The following GDAP2 variants were observed in gnomAD, a reference collection of about 807,000 sequenced individuals.
GDAP2 encodes ganglioside induced differentiation associated protein 2, also known as ganglioside-induced differentiation-associated protein 2.
In GDAP2, 51 loss-of-function variants were observed where a neutral mutation model predicts 67.0. That is an observed-to-expected ratio of 0.76 (90% CI 0.61 to 0.96). The LOEUF is 0.96. GDAP2 is among the 40% of genes least tolerant of loss of function. GDAP2 has a pLI of 0.00. For synonymous variants in GDAP2, 203 were observed against 207.3 expected (o/e 0.98, Z 0.18); for missense variants, 547 against 588.3 (o/e 0.93, Z 0.73).
intron 1 of GDAP2, among the ~76,000 whole-genome samples, chr1:117,924,507 T>C (rs1396049653): frequency 6.6e-6 from 1 of 152,226 alleles, no homozygotes; most frequent in Non-Finnish European, 1.5e-5. Flanking sequence ...TTCACGTTTG[T>C]TGTCAAACAA....
chr1:117,919,622 G>A (rs1457193501), intron 2 of GDAP2, among the ~76,000 whole-genome samples: 1 of 152,062 alleles, frequency 6.6e-6, no homozygotes, highest in Non-Finnish European at 1.5e-5. Context: ...ACTGTGGTGA[G>A]GGTTATGCAA....
At chr1:117,913,115 C>T (rs1649917781) in intron 3 of GDAP2, among the ~76,000 whole-genome samples, 1 of 152,172 alleles carries the variant, frequency 6.6e-6, no homozygotes, top group Non-Finnish European at 1.5e-5. Flanking sequence ...TGGGCAGGGG[C>T]TTAGCCTTGT....
At chr1:117,909,220 C>T (rs777009609) in intron 5 of GDAP2, among the ~76,000 whole-genome samples, 56 of 152,254 alleles carry the variant, frequency 3.7e-4, no homozygotes, top group African/African-American at 1.2e-3. Context: ...GGAAACACCA[C>T]GAGAACAAAC....
At chr1:117,890,348 C>CA (rs1649028801) in intron 8 of GDAP2, among the ~76,000 whole-genome samples, 1 of 152,056 alleles carries the variant, frequency 6.6e-6, no homozygotes, top group African/African-American at 2.4e-5. Flanking sequence ...ACCAGATAGA[C>CA]AATATGTCAT....
At chr1:117,880,331 T>C (rs1181720987) in intron 12 of GDAP2, among the ~76,000 whole-genome samples, 2 of 152,178 alleles carry the variant, frequency 1.3e-5, no homozygotes, top group Admixed American at 6.5e-5. Context: ...TGTTTAAGGC[T>C]GCAGGGAATG....
chr1:117,892,854 T>G (rs571753067), intron 8 of GDAP2, among the ~76,000 whole-genome samples: 2 of 152,232 alleles, frequency 1.3e-5, no homozygotes, highest in South Asian at 2.1e-4. Context: ...CCAGGGAAAA[T>G]TCTGTCTTTG....
intron 6 of GDAP2, among the ~76,000 whole-genome samples, chr1:117,905,985 G>A (rs968113747): frequency 6.6e-6 from 1 of 152,134 alleles, no homozygotes; most frequent in African/African-American, 2.4e-5. Context: ...ATTGGAAGCT[G>A]AATTAGACAA....
At position 117,866,895 on chromosome 1, in the gene GDAP2, A is replaced by G. The variant is rs1648083134; in HGVS notation, c.*3674T>C. 6.6e-6 allele frequency: 1 copy of G among 151,774 alleles called. No individual in the cohort carries two copies. Among genetic ancestry groups the G allele is most frequent in the Non-Finnish European group, 1.5e-5 (1 of 67,932 alleles). 9.4% of individuals were successfully genotyped at this position (151,774 alleles called of 1,614,324 possible). A position where few individuals can be genotyped will look rare whatever the true frequency, so the allele number is the denominator to read the frequency against. On this transcript the variant is annotated 3_prime_UTR_variant, in exon 14 of 14. Coordinates refer to ENST00000369443, the MANE Select transcript of GDAP2 (RefSeq NM_017686.4). ...AAAAAAAAAAAGAAAAAGAAAAAGA[A>G]ACCTAACTAACTCCAGTTTTCAAGG...
Position 117,915,925 on chromosome 1 carries a change from T to C in GDAP2, c.316+2672A>G, listed in dbSNP as rs543636445. ...CTTCAATATGATCCTTTTTCAAGTA[T>C]TTGAAAATAAGTACTGTTTCCCCCA... is the stretch of plus-strand genomic sequence containing the variant. On this transcript the variant is annotated intron_variant, in intron 3 of 13. Transcript: ENST00000369443. Among the ~76,000 whole-genome samples, 342 of 152,340 alleles carry C rather than the reference T, an allele frequency of 2.2e-3. 2 individuals carry two copies. The highest frequency in any genetic ancestry group is 8.0e-3 in the African/African-American group (331 of 41,590).
chr1:117,897,038 T>C (rs777763252), intron 7 of GDAP2, 49 bp from the exon 8 acceptor site: 6 of 1,331,662 alleles, frequency 4.5e-6, no homozygotes, highest in Non-Finnish European at 5.2e-6. Context: ...TAAAACTAGA[T>C]AGTAAACATT....
At position 117,899,207 on chromosome 1, in the gene GDAP2, G is replaced by C; in HGVS notation, c.646C>G (p.Gln216Glu). Residue 216 changes from glutamine to glutamate, a missense_variant, in exon 7 of 14, where the codon CAA becomes GAA. Physicochemically the swap from Gln to Glu is conservative, Grantham distance 29 (BLOSUM62 2). Coordinates refer to ENST00000369443, the MANE Select transcript of GDAP2 (RefSeq NM_017686.4). ...AVSDLEEGTYQKLLPLYFPRS... is the reference protein window; with the variant it reads ...AVSDLEEGTYEKLLPLYFPRS... ...GGGAAGTAGAGAGGTAGCAGCTTTTGGTAAGTACCCTGTGTCAGAAAAGCA... is the reference window on the plus strand; with the variant it reads ...GGGAAGTAGAGAGGTAGCAGCTTTTCGTAAGTACCCTGTGTCAGAAAAGCA... The C allele has an allele frequency of 1.2e-6, 2 of 1,609,490 alleles. No individual in the cohort carries two copies. Among genetic ancestry groups the C allele is most frequent in the Non-Finnish European group, 1.7e-6 (2 of 1,175,866 alleles).
At chr1:117,886,310 C>A (rs1418794535) in intron 10 of GDAP2, among the ~76,000 whole-genome samples, 2 of 152,136 alleles carry the variant, frequency 1.3e-5, no homozygotes, top group Non-Finnish European at 2.9e-5. Context: ...CAACCACTTA[C>A]TAGTTACATC....
At chr1:117,873,604 C>T (rs1267743043) in intron 13 of GDAP2, among the ~76,000 whole-genome samples, 2 of 152,118 alleles carry the variant, frequency 1.3e-5, no homozygotes, top group Admixed American at 6.5e-5. Context: ...CAGCTACCTA[C>T]TGGTATCTCC....
rs1361122078 is a variant in GDAP2, at chr1:117,866,068, T to C, written c.*4501A>G. 4 of 152,196 alleles carry C rather than the reference T, an allele frequency of 2.6e-5. No homozygotes were observed. The highest frequency in any genetic ancestry group is 1.3e-4 in the Admixed American group (2 of 15,280). The allele number at this position is 152,196 out of a possible 1,614,324, so 9.4% of individuals were successfully genotyped here. A position where few individuals can be genotyped will look rare whatever the true frequency, so the allele number is the denominator to read the frequency against. On this transcript the variant is annotated 3_prime_UTR_variant, in exon 14 of 14. Transcript: ENST00000369443. The stretch of plus-strand genomic sequence containing the variant: ...TGGGTTTATGATATGACCTAGATTA[T>C]AGGTATGTTATGAACTGAATGCTTA...
intron 7 of GDAP2, among the ~76,000 whole-genome samples, chr1:117,897,494 T>C (rs1343619696): frequency 6.6e-6 from 1 of 152,212 alleles, no homozygotes; most frequent in African/African-American, 2.4e-5. Flanking sequence ...ATTTCAGTTA[T>C]AATTTAGCAT....
intron 5 of GDAP2, 123 bp downstream of exon 5, chr1:117,911,870 TC>T: frequency 1.6e-6 from 1 of 619,248 alleles, no homozygotes; most frequent in Non-Finnish European, 3.0e-6. Context: ...TAAACTTCTG[TC>T]CTCAAGTGAT....
At chr1:117,870,664 T>A in intron 13 of GDAP2, 48 bp from the exon 14 acceptor site, 1 of 1,218,992 alleles carries the variant, frequency 8.2e-7, no homozygotes, top group Non-Finnish European at 1.2e-6. Flanking sequence ...AGAACCAATT[T>A]AACTGGAAAT....
chr1:117,928,144 T>C (rs1356736394), intron 1 of GDAP2, among the ~76,000 whole-genome samples: 1 of 152,214 alleles, frequency 6.6e-6, no homozygotes, highest in African/African-American at 2.4e-5. Flanking sequence ...TTCAAGATTT[T>C]ATTTAACTCA....
rs1647976419 is a variant in GDAP2, at chr1:117,863,865, GGCT to G, written c.*6701_*6703del. ...TATTATTTCTAATCAAAGCAGTGGT[GGCT>G]GCTATTTATAAACACTACTATGCAT... is the stretch of plus-strand genomic sequence containing the variant. On this transcript the variant is annotated 3_prime_UTR_variant, in exon 14 of 14. Coordinates refer to ENST00000369443, the MANE Select transcript of GDAP2 (RefSeq NM_017686.4). The G allele has an allele frequency of 6.6e-6, 1 of 152,146 alleles. No individual in the cohort carries two copies. Among genetic ancestry groups the G allele is most frequent in the Admixed American group, 6.5e-5 (1 of 15,280 alleles). The allele number at this position is 152,146 out of a possible 1,614,324, so 9.4% of individuals were successfully genotyped here.
Sources: gnomAD v4.1 joint callset for allele counts (sites outside exome capture counted in the v4.1 genomes callset) on GRCh38, gnomAD v4.1.1 for gene constraint, MANE v1.5 for transcripts, NCBI Gene and HGNC (gene_info 2026-07-23, HGNC 2026-07-21) for gene names.